The following ADAMTS14 variants were observed in gnomAD, a reference collection of about 807,000 sequenced individuals.
ADAMTS14 encodes the protein A disintegrin and metalloproteinase with thrombospondin motifs 14.
A neutral mutation model predicts 128.6 loss-of-function variants in ADAMTS14; 100 were observed. The observed-to-expected ratio is 0.78, with a 90% CI of 0.66 to 0.92. The LOEUF (loss-of-function observed/expected upper bound fraction) is 0.92. Among genes scored for constraint, ADAMTS14 ranks in the 40% least tolerant of loss-of-function variants. The pLI, the probability that ADAMTS14 is intolerant of heterozygous loss-of-function variation, is 0.00. For missense variants in ADAMTS14, 1,562 were observed against 1,658.6 expected, an observed-to-expected ratio of 0.94 and a Z score of 1.01; for synonymous variants, 665 against 653.8, an observed-to-expected ratio of 1.02 and a Z score of -0.26.
At position 70,691,499 on chromosome 10, in the gene ADAMTS14, A is replaced by AC. The variant is rs199909521; in HGVS notation, c.523-10813_523-10812insC. Among the ~76,000 whole-genome samples, 49 of 141,330 alleles carry AC rather than the reference A, an allele frequency of 3.5e-4. 4 individuals carry two copies. Among genetic ancestry groups the AC allele is most frequent in the Admixed American group, 7.1e-4 (10 of 14,160 alleles). The allele number at this position is 141,330 out of a possible 152,430, so 92.7% of individuals were successfully genotyped here. On this transcript the variant is annotated intron_variant, in intron 2 of 21. Coordinates refer to ENST00000373207, the MANE Select transcript of ADAMTS14 (RefSeq NM_080722.4). ...AGTGAGACCCTGTTAAAAAAAAAAA[A>AC]AAAAAAAAAACAAAGAAAAAAACAA...
Position 70,717,586 on chromosome 10 carries a change from C to T in ADAMTS14, c.870+8808C>T, listed in dbSNP as rs115835551. On this transcript the variant is annotated intron_variant, in intron 4 of 21. Coordinates refer to ENST00000373207, the MANE Select transcript of ADAMTS14 (RefSeq NM_080722.4). ...GGTGGATCTGCAGGTTCCCAGGGTC[C>T]TCTCCTGGCCCAGGGGTGATGGACC... Among the ~76,000 whole-genome samples, 1,413 of 152,240 alleles carry T rather than the reference C, an allele frequency of 9.3e-3. 27 individuals carry two copies. The highest frequency in any genetic ancestry group is 0.032 in the African/African-American group (1,340 of 41,532).
Position 70,736,512 on chromosome 10 carries a change from C to T in ADAMTS14, c.1486-168C>T, listed in dbSNP as rs566164599. Reference sequence around the variant, plus strand: ...GAAAGGAGGGGTCCCTGGAGGCTGCCGGTACTTGGAGTTGAGTAAACTTGA... The same window carrying T: ...GAAAGGAGGGGTCCCTGGAGGCTGCTGGTACTTGGAGTTGAGTAAACTTGA... On this transcript the variant is annotated intron_variant, in intron 9 of 21. Coordinates refer to ENST00000373207, the MANE Select transcript of ADAMTS14 (RefSeq NM_080722.4). Among the ~76,000 whole-genome samples, 13 of 152,240 alleles carry T rather than the reference C, an allele frequency of 8.5e-5. No homozygotes were observed. In the East Asian group the frequency reaches 9.7e-4, roughly 11 times the overall value.
intron 19 of ADAMTS14, among the ~76,000 whole-genome samples, chr10:70,756,187 A>G (rs1355390011): frequency 3.3e-5 from 5 of 152,214 alleles, no homozygotes; most frequent in Non-Finnish European, 7.3e-5. Context: ...GGGACACAAC[A>G]CAATCTGAAA....
intron 21 of ADAMTS14, among the ~76,000 whole-genome samples, chr10:70,758,844 C>G (rs767535768): frequency 7.9e-5 from 12 of 152,154 alleles, no homozygotes; most frequent in Non-Finnish European, 1.8e-4. Flanking sequence ...GTTCATCCTC[C>G]CATCTTTCCA....
chr10:70,756,066 T>C (rs1466523076), intron 19 of ADAMTS14, among the ~76,000 whole-genome samples: 1 of 152,326 alleles, frequency 6.6e-6, no homozygotes, highest in Admixed American at 6.5e-5. Flanking sequence ...TGAACTGTAC[T>C]TACCAAAATA....
At chr10:70,718,022 C>T (rs998759900) in intron 4 of ADAMTS14, among the ~76,000 whole-genome samples, 1 of 152,176 alleles carries the variant, frequency 6.6e-6, no homozygotes, top group Admixed American at 6.5e-5. Context: ...GAGGTTTTGG[C>T]GCAGTTGGCT....
At chr10:70,737,949 G>A (rs1428690524) in intron 10 of ADAMTS14, among the ~76,000 whole-genome samples, 1 of 152,192 alleles carries the variant, frequency 6.6e-6, no homozygotes, top group Admixed American at 6.5e-5. Flanking sequence ...TTTATGAAAA[G>A]TCATCGCATT....
In ADAMTS14 at chr10:70,672,811, A is replaced by G; in HGVS notation, c.9A>G (p.Pro3=). The G allele has an allele frequency of 6.6e-7, 1 of 1,510,774 alleles. No individual in the cohort carries two copies. The highest frequency in any genetic ancestry group is 8.8e-7 in the Non-Finnish European group (1 of 1,133,798). 93.6% of individuals were successfully genotyped at this position (1,510,774 alleles called of 1,614,324 possible). ...CGTCCCAGCGCGGCCACATGGCTCC[A>G]CTCCGCGCGCTGCTGTCCTACCTGC... MA[P]LRALLSYLLP... is the part of the protein sequence containing the mutation. The change falls in exon 1 of 22, where the codon CCA becomes CCG. Residue 3 remains proline (P), a synonymous_variant. Transcript: ENST00000373207.
intron 15 of ADAMTS14, among the ~76,000 whole-genome samples, 186 bp from the exon 16 acceptor site, chr10:70,749,636 T>TGCGC (rs112579615): frequency 1.3e-4 from 19 of 145,926 alleles, no homozygotes; most frequent in Non-Finnish European, 1.2e-4. Context: ...TGTGTGTGTG[T>TGCGC]GCGCGCACGT....
intron 18 of ADAMTS14, among the ~76,000 whole-genome samples, chr10:70,752,787 T>C (rs1009032299): frequency 5.9e-5 from 9 of 152,324 alleles, no homozygotes; most frequent in African/African-American, 2.2e-4. Flanking sequence ...TCTCGTCAGC[T>C]TCTGCTCCCC....
intron 10 of ADAMTS14, among the ~76,000 whole-genome samples, chr10:70,737,594 C>G (rs368870727): frequency 6.6e-6 from 1 of 152,240 alleles, no homozygotes; most frequent in East Asian, 1.9e-4. Flanking sequence ...CCAGGCTCCT[C>G]CTATTCACAC....
chr10:70,757,897 GTCTT>G, intron 19 of ADAMTS14, 61 bp from the exon 20 acceptor site: 1 of 1,525,414 alleles, frequency 6.6e-7, no homozygotes, highest in Non-Finnish European at 8.7e-7. Context: ...TCACTGACTC[GTCTT>G]TCTTCTCTCC....
chr10:70,724,922 C>G (rs1841382292), intron 4 of ADAMTS14, among the ~76,000 whole-genome samples: 1 of 152,192 alleles, frequency 6.6e-6, no homozygotes, highest in South Asian at 2.1e-4. Flanking sequence ...TTCACTTCTC[C>G]TTGTGCTTTA....
chr10:70,730,562 C>T (rs1253726699), intron 6 of ADAMTS14, among the ~76,000 whole-genome samples: 2 of 152,210 alleles, frequency 1.3e-5, no homozygotes, highest in Non-Finnish European at 2.9e-5. Context: ...AGATGCTTCT[C>T]TCCACACTGT....
At chr10:70,708,806 G>C (rs754406755) in intron 4 of ADAMTS14, 28 bp downstream of exon 4, 31 of 1,498,076 alleles carry the variant, frequency 2.1e-5, no homozygotes, top group South Asian at 3.9e-5. Context: ...CTAGGACTTG[G>C]GGGGAGTGGG....
intron 13 of ADAMTS14, 65 bp downstream of exon 13, chr10:70,743,746 C>T: frequency 6.8e-7 from 1 of 1,474,972 alleles, no homozygotes; most frequent in South Asian, 1.4e-5. Context: ...ACTGTAGCCC[C>T]TCCTGCCTGG....
chr10:70,745,113 G>T (rs1842135700), intron 14 of ADAMTS14, 113 bp from the exon 15 acceptor site: 4 of 935,784 alleles, frequency 4.3e-6, no homozygotes, highest in Admixed American at 4.5e-5. Flanking sequence ...ATTCAGAGAG[G>T]TTCTGTGATC....
Position 70,741,134 on chromosome 10 carries a change from C to T in ADAMTS14, c.1896C>T (p.His632=). ...ACTATGTGCACCAGAATGCCAAGCA[C>T]AGCTGGGTGCCCTACGAGCCTGACG... The part of the protein sequence containing the change: ...NSYYVHQNAK[H]SWVPYEPDDD... The change falls in exon 12 of 22, where the codon CAC becomes CAT. Residue 632 remains histidine (H), a synonymous_variant. Coordinates refer to ENST00000373207, the MANE Select transcript of ADAMTS14 (RefSeq NM_080722.4). 1.2e-6 allele frequency: 2 copies of T among 1,613,674 alleles called. No individual in the cohort carries two copies.
At chr10:70,699,884 G>T (rs573801102) in intron 2 of ADAMTS14, among the ~76,000 whole-genome samples, 1 of 152,108 alleles carries the variant, frequency 6.6e-6, no homozygotes, top group Non-Finnish European at 1.5e-5. Context: ...GTGATGGACC[G>T]AGACGGTGCA....
Sources: gnomAD v4.1 joint callset for allele counts (sites outside exome capture counted in the v4.1 genomes callset) on GRCh38, gnomAD v4.1.1 for gene constraint, MANE v1.5 for transcripts, NCBI Gene and HGNC (gene_info 2026-07-23, HGNC 2026-07-21) for gene names.